The following CTPS1 variants were observed in gnomAD, a reference collection of about 807,000 sequenced individuals.
The protein encoded by CTPS1 is CTP synthetase 1.
In CTPS1, 25 loss-of-function variants were observed where a neutral mutation model predicts 80.5. The observed-to-expected ratio is 0.31, with a 90% CI of 0.23 to 0.43. The LOEUF (loss-of-function observed/expected upper bound fraction) is 0.43. CTPS1 is among the 20% of genes least tolerant of loss of function. The probability of loss-of-function intolerance (pLI) is 1.00; values close to 1 mark genes in which losing one functional copy is unlikely to be tolerated. For synonymous variants in CTPS1, 267 were observed against 252.5 expected, an observed-to-expected ratio of 1.06 and a Z score of -0.54; for missense variants, 442 against 725.7, an observed-to-expected ratio of 0.61 and a Z score of 4.49.
At chr1:40,993,651 T>G (rs1642674231) in intron 7 of CTPS1, among the ~76,000 whole-genome samples, 1 of 152,178 alleles carries the variant, frequency 6.6e-6, no homozygotes, top group Non-Finnish European at 1.5e-5. Flanking sequence ...TACTTACTCT[T>G]TTAATTGGAA....
intron 8 of CTPS1, 65 bp downstream of exon 8, chr1:40,996,133 C>T (rs1432636010): frequency 8.3e-6 from 13 of 1,574,048 alleles, no homozygotes; most frequent in East Asian, 4.5e-5. Context: ...CTGGTGAAGC[C>T]GACTCTAGCC....
Position 41,008,649 on chromosome 1 carries a change from G to A in CTPS1, c.1394-10G>A. On this transcript the variant is annotated splice_polypyrimidine_tract_variant and intron_variant, in intron 14 of 18. Transcript: ENST00000650070. ...AAAGTTCTTTACATACAGCCCGTTT[G>A]TTTTGCCAGGGAAACTCTATGGAGA... 1.2e-6 allele frequency: 2 copies of A among 1,614,106 alleles called. No homozygotes were observed. Among genetic ancestry groups the A allele is most frequent in the South Asian group, 1.1e-5 (1 of 91,084 alleles).
intron 8 of CTPS1, among the ~76,000 whole-genome samples, chr1:40,996,303 C>A (rs1036527297): frequency 6.6e-6 from 1 of 152,150 alleles, no homozygotes; most frequent in Non-Finnish European, 1.5e-5. Flanking sequence ...ACAATGAGTT[C>A]GGGTTATGTC....
chr1:41,000,984 T>G, intron 9 of CTPS1, 45 bp from the exon 10 acceptor site: 1 of 1,350,970 alleles, frequency 7.4e-7, no homozygotes, highest in Middle Eastern at 1.9e-4. Context: ...ACGCACAGCC[T>G]GGGGTCACGA....
chr1:40,997,347 C>T lies in CTPS1; in HGVS notation c.873-47C>T, dbSNP rs144876983. Reference sequence around the variant, plus strand: ...AATAGCTATTTTGGTCTCATGATAGCGTGTACCTTCTGAGTAATTGGGTTT... The same window carrying T: ...AATAGCTATTTTGGTCTCATGATAGTGTGTACCTTCTGAGTAATTGGGTTT... On this transcript the variant is annotated intron_variant, in intron 8 of 18. Coordinates refer to ENST00000650070, the MANE Select transcript of CTPS1 (RefSeq NM_001905.4). 9.4e-6 allele frequency: 15 copies of T among 1,594,466 alleles called. No individual in the cohort carries two copies. The East Asian group carries it at 2.0e-4, about 21-fold the overall frequency.
chr1:41,003,017 C>A, intron 11 of CTPS1, 97 bp from the exon 12 acceptor site: 1 of 1,180,700 alleles, frequency 8.5e-7, no homozygotes, highest in Non-Finnish European at 1.3e-6. Flanking sequence ...TATAATTCTC[C>A]AAATAAAGGA....
At chr1:40,995,248 T>G (rs192581078) in intron 7 of CTPS1, among the ~76,000 whole-genome samples, 23 of 152,342 alleles carry the variant, frequency 1.5e-4, no homozygotes, top group Non-Finnish European at 2.4e-4. Context: ...AGACAGGTTC[T>G]GGCTCTGTTG....
chr1:40,980,102 T>G (rs1319169119), intron 1 of CTPS1: 8 of 150,902 alleles, frequency 5.3e-5, no homozygotes, highest in Admixed American at 5.3e-4. Context: ...CGGGGCGGCT[T>G]CAGAGGCTGC....
At position 40,983,280 on chromosome 1, in the gene CTPS1, C is replaced by G. The variant is rs367595948; in HGVS notation, c.-11C>G. ...TCTGTAATTTTTCCTTCTTCCAGGT[C>G]AAAGAGTAAAATGAAGTACATTCTG... On this transcript the variant is annotated splice_region_variant and 5_prime_UTR_variant, in exon 2 of 19. Coordinates refer to ENST00000650070, the MANE Select transcript of CTPS1 (RefSeq NM_001905.4). 6.2e-7 allele frequency: 1 copy of G among 1,609,432 alleles called. No individual in the cohort carries two copies. Among genetic ancestry groups the G allele is most frequent in the African/African-American group, 1.3e-5 (1 of 74,772 alleles).
At chr1:40,981,780 G>A in intron 1 of CTPS1, 1 of 233,650 alleles carries the variant, frequency 4.3e-6, no homozygotes, top group Non-Finnish European at 8.9e-6. Flanking sequence ...TGGAAATGCT[G>A]CAGCAGAGGA....
chr1:40,996,786 T>C (rs2148405172), intron 8 of CTPS1, among the ~76,000 whole-genome samples: 1 of 152,320 alleles, frequency 6.6e-6, no homozygotes, highest in African/African-American at 2.4e-5. Flanking sequence ...TTATAAGCAT[T>C]TTGCTCTGTT....
intron 5 of CTPS1, among the ~76,000 whole-genome samples, chr1:40,990,638 A>G (rs1168579294): frequency 1.3e-5 from 2 of 151,702 alleles, no homozygotes; most frequent in African/African-American, 2.4e-5. Context: ...AAAAAGAAAA[A>G]GTCCAACAGA....
chr1:40,989,223 C>T (rs1232395345), intron 5 of CTPS1, among the ~76,000 whole-genome samples: 1 of 152,184 alleles, frequency 6.6e-6, no homozygotes, highest in Non-Finnish European at 1.5e-5. Context: ...CATCTTTTTC[C>T]TACAGTGCAC....
At position 40,991,795 on chromosome 1, in the gene CTPS1, A is replaced by G. The variant is rs1558143827; in HGVS notation, c.670A>G (p.Thr224Ala). ...VVCRCSNPLD[T>A]SVKEKISMFC... ...ATGCAGGTGCTCAAATCCACTTGAC[A>G]CATCAGTGAAGGAGAAAATATCAAT... The change falls in exon 7 of 19, where the codon ACA becomes GCA. Residue 224 changes from threonine (T) to alanine (A), a missense_variant. Coordinates refer to ENST00000650070, the MANE Select transcript of CTPS1 (RefSeq NM_001905.4). 8 of 1,614,102 alleles carry G rather than the reference A, an allele frequency of 5.0e-6. No individual in the cohort carries two copies. The highest frequency in any genetic ancestry group is 1.1e-5 in the South Asian group (1 of 91,080).
intron 1 of CTPS1, among the ~76,000 whole-genome samples, chr1:40,982,893 A>G (rs1323601372): frequency 6.6e-6 from 1 of 152,224 alleles, no homozygotes; most frequent in East Asian, 1.9e-4. Flanking sequence ...ATGTAGGGAA[A>G]ATAATGAGGC....
chr1:40,995,884 C>T (rs1417792238), intron 7 of CTPS1, 33 bp from the exon 8 acceptor site: 1 of 1,599,394 alleles, frequency 6.3e-7, no homozygotes, highest in South Asian at 1.1e-5. Context: ...TGAGTTTTTG[C>T]TTTTATTTAA....
intron 4 of CTPS1, among the ~76,000 whole-genome samples, chr1:40,987,996 T>G (rs918116063): frequency 2.6e-5 from 4 of 152,144 alleles, no homozygotes; most frequent in Non-Finnish European, 4.4e-5. Context: ...CACTGCAACC[T>G]TGACCTCCTG....
chr1:41,007,573 C>G lies in CTPS1; in HGVS notation c.1393+28C>G. On this transcript the variant is annotated intron_variant, in intron 14 of 18. Coordinates refer to ENST00000650070, the MANE Select transcript of CTPS1 (RefSeq NM_001905.4). The surrounding 1 kb of genome is among the most constrained non-coding windows in gnomAD (Gnocchi z 4.4). ...AAGAGCTGCCTCACGCTGGCCCAGCCTTTGGCTCTGCGTGCCCAGGACGCG... is the reference window on the plus strand; with the variant it reads ...AAGAGCTGCCTCACGCTGGCCCAGCGTTTGGCTCTGCGTGCCCAGGACGCG... 6.3e-7 allele frequency: 1 copy of G among 1,599,080 alleles called. No individual in the cohort carries two copies. Among genetic ancestry groups the G allele is most frequent in the Non-Finnish European group, 8.6e-7 (1 of 1,167,204 alleles).
intron 18 of CTPS1, 129 bp from the exon 19 acceptor site, chr1:41,011,529 C>T (rs1643172684): frequency 6.6e-6 from 1 of 152,170 alleles, no homozygotes; most frequent in East Asian, 1.9e-4. Flanking sequence ...TAATTATTCC[C>T]AGTAGGCTCC....
Sources: gnomAD v4.1 joint callset for allele counts (sites outside exome capture counted in the v4.1 genomes callset) on GRCh38, gnomAD v4.1.1 for gene constraint, Gnocchi (gnomAD v3.1) non-coding constraint, MANE v1.5 for transcripts, NCBI Gene and HGNC (gene_info 2026-07-23, HGNC 2026-07-21) for gene names.